KLHL25: variants seen among roughly 807,000 people sequenced by gnomAD.
KLHL25 encodes the protein kelch-like protein 25.
Under a neutral mutation model 30.0 loss-of-function variants are expected in KLHL25, and 41 were observed. The ratio of observed to expected loss-of-function variants is 1.37; its 90% CI spans 1.07 to 1.78. KLHL25 has a LOEUF of 1.78. Among genes scored for constraint, KLHL25 ranks in the 40% most tolerant of loss-of-function variants. The pLI is 0.00. For missense variants in KLHL25, 971 were observed against 824.5 expected (o/e 1.18, Z -2.18); for synonymous variants, 399 against 355.3 (o/e 1.12, Z -1.38).
chr15:85,780,382 C>T (rs553747825), intron 1 of KLHL25, among the ~76,000 whole-genome samples: 2 of 152,296 alleles, frequency 1.3e-5, no homozygotes, highest in Admixed American at 6.5e-5. Flanking sequence ...CCAAAGCAAA[C>T]GTGGCCTCCT....
At chr15:85,767,316 G>C (rs555307580) in intron 2 of KLHL25, among the ~76,000 whole-genome samples, 1 of 152,052 alleles carries the variant, frequency 6.6e-6, no homozygotes, top group African/African-American at 2.4e-5. Flanking sequence ...TGCCCAGGCT[G>C]GTCTTGAATT....
At position 85,769,654 on chromosome 15, in the gene KLHL25, C is replaced by T. The variant is rs2151807250; in HGVS notation, c.157G>A (p.Gly53Ser). ...CGGTGACAGGGGAAGGCACGGTCGCCCGCCCAGAGTGTGACGTCGGTGAAC... is the reference window on the plus strand; with the variant it reads ...CGGTGACAGGGGAAGGCACGGTCGCTCGCCCAGAGTGTGACGTCGGTGAAC... ...CMFTDVTLWA[G>S]DRAFPCHRAV... The change falls in exon 2 of 3, where the codon GGC becomes AGC. Residue 53 changes from glycine (G) to serine (S), a missense_variant. Transcript: ENST00000337975. 5.0e-6 allele frequency: 8 copies of T among 1,613,588 alleles called. No individual in the cohort carries two copies. Among genetic ancestry groups the T allele is most frequent in the East Asian group, 2.2e-5 (1 of 44,882 alleles).
intron 1 of KLHL25, among the ~76,000 whole-genome samples, chr15:85,787,361 G>A (rs1355251247): frequency 3.3e-5 from 5 of 152,054 alleles, no homozygotes; most frequent in East Asian, 3.9e-4. Context: ...CAGGAGAATC[G>A]CTTGAACCTG....
rs2089636744 is a variant in KLHL25, at chr15:85,768,109, T to A, written c.1702A>T (p.Ile568Phe). 6.2e-7 allele frequency: 1 copy of A among 1,614,100 alleles called. No individual in the cohort carries two copies. Among genetic ancestry groups the A allele is most frequent in the South Asian group, 1.1e-5 (1 of 91,084 alleles). The change falls in exon 2 of 3, where the codon ATC (isoleucine) becomes TTC (phenylalanine). Residue 568 changes from isoleucine to phenylalanine, a missense_variant. By Grantham distance (21) the Ile-to-Phe change is conservative. Coordinates refer to ENST00000337975, the MANE Select transcript of KLHL25 (RefSeq NM_022480.4). ...ATAAGTGAGTAGGGCACTGTGGTGATGCAGTTCCATGTATCTGAAGTGGGG... is the reference window on the plus strand; with the variant it reads ...ATAAGTGAGTAGGGCACTGTGGTGAAGCAGTTCCATGTATCTGAAGTGGGG... Reference protein sequence around the residue: ...YDPTSDTWNCITTVPYSLIPT... With the variant: ...YDPTSDTWNCFTTVPYSLIPT...
At chr15:85,788,056 C>CAAA (rs60547525) in intron 1 of KLHL25, among the ~76,000 whole-genome samples, 7,076 of 57,378 alleles carry the variant, frequency 0.12, 631 homozygotes, top group Non-Finnish European at 0.16. Context: ...AACTAGATCT[C>CAAA]AAAAAAAAAA....
chr15:85,792,838 T>A (rs1274610431), intron 1 of KLHL25, among the ~76,000 whole-genome samples: 1 of 152,146 alleles, frequency 6.6e-6, no homozygotes, highest in Non-Finnish European at 1.5e-5. Context: ...CACCTGTGTC[T>A]CCTTCTCTCC....
At chr15:85,766,308 T>C (rs1362515002) in intron 2 of KLHL25, among the ~76,000 whole-genome samples, 1 of 152,164 alleles carries the variant, frequency 6.6e-6, no homozygotes, top group Non-Finnish European at 1.5e-5. Flanking sequence ...CCAGGGATCT[T>C]ATGCCCCTAT....
At chr15:85,788,266 T>G (rs1038396113) in intron 1 of KLHL25, among the ~76,000 whole-genome samples, 2 of 152,288 alleles carry the variant, frequency 1.3e-5, no homozygotes, top group South Asian at 4.2e-4. Context: ...GCTACCCACC[T>G]GGCAGGCCTT....
At chr15:85,772,045 C>T (rs1464936698) in intron 1 of KLHL25, among the ~76,000 whole-genome samples, 1 of 152,182 alleles carries the variant, frequency 6.6e-6, no homozygotes, top group Non-Finnish European at 1.5e-5. Context: ...GATTGCTAAA[C>T]TCTCACTCCA....
chr15:85,779,014 A>G (rs547955918), intron 1 of KLHL25, among the ~76,000 whole-genome samples: 4 of 151,922 alleles, frequency 2.6e-5, no homozygotes, highest in South Asian at 4.2e-4. Context: ...CTCAAAGGCA[A>G]CGTATGGATT....
intron 1 of KLHL25, among the ~76,000 whole-genome samples, chr15:85,780,178 G>A (rs1009877061): frequency 2.0e-5 from 3 of 152,284 alleles, no homozygotes; most frequent in Admixed American, 1.3e-4. Flanking sequence ...CCCAGAGCTG[G>A]GAGTCATCTG....
At chr15:85,770,361 T>A (rs2151807644) in intron 1 of KLHL25, 2 of 441,764 alleles carry the variant, frequency 4.5e-6, no homozygotes, top group South Asian at 1.6e-5. Flanking sequence ...CTGTTCAAGG[T>A]GACTAATCCC....
rs1433838839 is a variant in KLHL25 at position 85,759,954 on chromosome 15, T to C, written c.*1082A>G. On this transcript the variant is annotated 3_prime_UTR_variant, in exon 3 of 3. Coordinates refer to ENST00000337975, the MANE Select transcript of KLHL25 (RefSeq NM_022480.4). ...GGGAGGTGCTGGTGAGGGACCCCAGTGACTCAGGAGGTGACAGCAATGAAC... is the reference window on the plus strand; with the variant it reads ...GGGAGGTGCTGGTGAGGGACCCCAGCGACTCAGGAGGTGACAGCAATGAAC... 6.6e-6 allele frequency: 1 copy of C among 152,196 alleles called. No individual in the cohort carries two copies. The highest frequency in any genetic ancestry group is 2.4e-5 in the African/African-American group (1 of 41,412). The allele number at this position is 152,196 out of a possible 1,614,324, so 9.4% of individuals were successfully genotyped here.
intron 1 of KLHL25, among the ~76,000 whole-genome samples, chr15:85,774,846 C>T (rs936884115): frequency 4.6e-5 from 7 of 151,926 alleles, no homozygotes; most frequent in African/African-American, 1.7e-4. Flanking sequence ...GAAAACCCCT[C>T]CCCACTCCCG....
intron 2 of KLHL25, among the ~76,000 whole-genome samples, chr15:85,764,693 G>A (rs948127931): frequency 6.6e-6 from 1 of 152,180 alleles, no homozygotes; most frequent in Admixed American, 6.5e-5. Flanking sequence ...CAGAGGGAGG[G>A]GCTAAGCAGA....
chr15:85,776,363 C>T (rs1044648013), intron 1 of KLHL25, among the ~76,000 whole-genome samples: 1 of 151,816 alleles, frequency 6.6e-6, no homozygotes, highest in African/African-American at 2.4e-5. Context: ...GTGGCACGCA[C>T]CTGTAGTCCC....
In KLHL25 at chr15:85,789,976, C is replaced by T. The variant is rs959199466; in HGVS notation, c.-11+4790G>A. 1.3e-5 allele frequency among the ~76,000 whole-genome samples: 2 copies of T among 152,188 alleles called. No homozygotes were observed. Among genetic ancestry groups the T allele is most frequent in the African/African-American group, 2.4e-5 (1 of 41,458 alleles). On this transcript the variant is annotated intron_variant, in intron 1 of 2. Coordinates refer to ENST00000337975, the MANE Select transcript of KLHL25 (RefSeq NM_022480.4). This position sits in a 1 kb window ranked among gnomAD's most constrained non-coding sequence, Gnocchi z 4.1. ...CTTCAGGAAACTAGGAGCTTGCCTACGTCACCCCTCTCACTCTACAGGTGA... is the reference window on the plus strand; with the variant it reads ...CTTCAGGAAACTAGGAGCTTGCCTATGTCACCCCTCTCACTCTACAGGTGA...
chr15:85,786,915 G>C (rs573228158), intron 1 of KLHL25, among the ~76,000 whole-genome samples: 1 of 152,316 alleles, frequency 6.6e-6, no homozygotes, highest in African/African-American at 2.4e-5. Flanking sequence ...CAGCCTAGTG[G>C]GGGGCAGGGG....
chr15:85,766,994 AT>A (rs35838334), intron 2 of KLHL25, among the ~76,000 whole-genome samples: 226 of 140,802 alleles, frequency 1.6e-3, no homozygotes, highest in Middle Eastern at 3.8e-3. Context: ...GTTGGCGATC[AT>A]TTTTTTTTTT....
Sources: allele counts gnomAD v4.1 joint callset (sites outside exome capture counted in the v4.1 genomes callset), GRCh38; gene constraint gnomAD v4.1.1; non-coding constraint Gnocchi (gnomAD v3.1); transcripts MANE v1.5; gene names NCBI Gene and HGNC (gene_info 2026-07-23, HGNC 2026-07-21).